Variants in DZANK1 observed in about 807,000 individuals in gnomAD.
The protein encoded by DZANK1 is double zinc ribbon and ankyrin repeat-containing protein 1.
Under a neutral mutation model 94.5 loss-of-function variants are expected in DZANK1, and 91 were observed. The ratio of observed to expected loss-of-function variants is 0.96; its 90% CI spans 0.81 to 1.15. The LOEUF is 1.15. DZANK1 is among the 50% of genes most tolerant of loss of function. DZANK1 has a pLI of 0.00. For missense variants in DZANK1, 903 were observed against 916.4 expected (o/e 0.99, Z 0.19); for synonymous variants, 312 against 325.3 (o/e 0.96, Z 0.44).
rs759490170 is a variant in DZANK1 at position 18,460,234 on chromosome 20, C to A, written c.182G>T (p.Gly61Val). The change falls in exon 3 of 21, where the codon GGG becomes GTG. Residue 61 changes from glycine (G) to valine (V), a missense_variant. Coordinates refer to ENST00000262547, the Ensembl canonical transcript of DZANK1. The stretch of plus-strand genomic sequence containing the variant: ...TATATACTTAAATGTGTTATTTTCC[C>A]CATAACCAATTCTCTTTAGAAATTC... 3.1e-6 allele frequency: 5 copies of A among 1,594,682 alleles called. No individual in the cohort carries two copies. Among genetic ancestry groups the A allele is most frequent in the Middle Eastern group, 1.7e-4 (1 of 5,956 alleles).
At chr20:18,464,424 A>G (rs1390904794) in intron 2 of DZANK1, among the ~76,000 whole-genome samples, 13 of 152,140 alleles carry the variant, frequency 8.5e-5, no homozygotes, top group Admixed American at 8.5e-4. Flanking sequence ...AACCCTGTGC[A>G]CCTCATACAT....
In DZANK1 at chr20:18,461,556, T is replaced by C. The variant is rs192524516; in HGVS notation, c.110-1250A>G. Reference sequence around the variant, plus strand: ...TAAATATATGGGCAAGACAAATATGTAGAACTAGTTACTGCTGAGTCAAAA... The same window carrying C: ...TAAATATATGGGCAAGACAAATATGCAGAACTAGTTACTGCTGAGTCAAAA... On this transcript the variant is annotated intron_variant, in intron 2 of 20. Transcript: ENST00000262547. 2.6e-5 allele frequency among the ~76,000 whole-genome samples: 4 copies of C among 152,164 alleles called. No homozygotes were observed. In the East Asian group the frequency reaches 7.7e-4, roughly 29 times the overall value.
chr20:18,393,393 C>T (rs1167501174), intron 17 of DZANK1, among the ~76,000 whole-genome samples: 1 of 152,188 alleles, frequency 6.6e-6, no homozygotes, highest in African/African-American at 2.4e-5. Flanking sequence ...CACTACCCAA[C>T]TAGTCTTCAT....
intron 12 of DZANK1, 143 bp from the exon 13 acceptor site, chr20:18,412,996 G>C (rs535355550): frequency 7.1e-5 from 54 of 760,292 alleles, no homozygotes; most frequent in Non-Finnish European, 1.1e-4. Context: ...TCCAGCCTTT[G>C]CCTCATCTTC....
intron 13 of DZANK1, among the ~76,000 whole-genome samples, chr20:18,408,276 A>G (rs570379248): frequency 2.3e-4 from 35 of 152,322 alleles, no homozygotes; most frequent in Non-Finnish European, 4.9e-4. Context: ...AGATCACACC[A>G]CTGTATTCCA....
intron 9 of DZANK1, 91 bp downstream of exon 9, chr20:18,433,561 T>C (rs1445301030): frequency 8.2e-7 from 1 of 1,221,992 alleles, no homozygotes. Flanking sequence ...AAAAAATTGT[T>C]ACCCCATCCC....
At chr20:18,445,557 A>G (rs1196545828) in intron 7 of DZANK1, among the ~76,000 whole-genome samples, 1 of 152,194 alleles carries the variant, frequency 6.6e-6, no homozygotes, top group African/African-American at 2.4e-5. Context: ...TACATAGAAC[A>G]TTTACCAATC....
intron 13 of DZANK1, among the ~76,000 whole-genome samples, chr20:18,406,860 G>A (rs1174304660): frequency 6.6e-6 from 1 of 152,172 alleles, no homozygotes; most frequent in Non-Finnish European, 1.5e-5. Context: ...TTCACCACAA[G>A]CTAACAGAAG....
At position 18,389,580 on chromosome 20, in the gene DZANK1, T is replaced by C; in HGVS notation, c.2018+121A>G. ...GCCTCTTATTAAAGCTGAAATAGGT[T>C]AAAATGGTTAAAGTGGCTGAAACTG... On this transcript the variant is annotated intron_variant, in intron 19 of 20. Coordinates refer to ENST00000262547, the Ensembl canonical transcript of DZANK1. 2.9e-6 allele frequency: 4 copies of C among 1,398,402 alleles called. No homozygotes were observed. The South Asian group carries it at 5.8e-5, about 20-fold the overall frequency. 86.6% of individuals were successfully genotyped at this position (1,398,402 alleles called of 1,614,324 possible).
chr20:18,415,578 T>G, intron 10 of DZANK1, 129 bp from the exon 11 acceptor site: 1 of 1,150,338 alleles, frequency 8.7e-7, no homozygotes, highest in Non-Finnish European at 1.1e-6. Flanking sequence ...TGTTTTGTTT[T>G]GTTTTGTTTT....
At chr20:18,384,907 T>A in intron 20 of DZANK1, 109 bp downstream of exon 20, 1 of 1,078,892 alleles carries the variant, frequency 9.3e-7, no homozygotes. Flanking sequence ...GTGGTCCCCA[T>A]GGACAGGGAC....
At chr20:18,462,787 A>C (rs1417042125) in intron 2 of DZANK1, among the ~76,000 whole-genome samples, 1 of 151,822 alleles carries the variant, frequency 6.6e-6, no homozygotes, top group Non-Finnish European at 1.5e-5. Flanking sequence ...AAAATACAAA[A>C]ATTAGCTGGG....
intron 19 of DZANK1, among the ~76,000 whole-genome samples, chr20:18,389,111 A>G (rs1773474596): frequency 6.6e-6 from 1 of 152,242 alleles, no homozygotes; most frequent in African/African-American, 2.4e-5. Flanking sequence ...GAACAACAGA[A>G]GCACACAGCT....
intron 13 of DZANK1, among the ~76,000 whole-genome samples, chr20:18,411,785 G>A (rs2057269015): frequency 6.6e-6 from 1 of 152,144 alleles, no homozygotes; most frequent in Admixed American, 6.5e-5. Context: ...ATAAAGAACA[G>A]GAATTTATTT....
intron 9 of DZANK1, among the ~76,000 whole-genome samples, chr20:18,429,008 C>T (rs1481286802): frequency 6.6e-6 from 1 of 152,214 alleles, no homozygotes; most frequent in African/African-American, 2.4e-5. Context: ...TGGTTCCTGA[C>T]ACTCCCTGGG....
At chr20:18,401,070 G>A (rs919362304) in intron 13 of DZANK1, among the ~76,000 whole-genome samples, 4 of 151,990 alleles carry the variant, frequency 2.6e-5, no homozygotes, top group African/African-American at 9.7e-5. Flanking sequence ...CTGAGTAGCT[G>A]GGATTACAGG....
At chr20:18,461,751 C>G (rs2059481162) in intron 2 of DZANK1, among the ~76,000 whole-genome samples, 2 of 152,056 alleles carry the variant, frequency 1.3e-5, no homozygotes, top group Admixed American at 6.6e-5. Context: ...AAGCACCCAC[C>G]ACCACGCCCA....
At chr20:18,413,703 C>T (rs1171838096) in intron 12 of DZANK1, among the ~76,000 whole-genome samples, 6 of 152,076 alleles carry the variant, frequency 3.9e-5, no homozygotes, top group Non-Finnish European at 8.8e-5. Flanking sequence ...TTGCTTGAAC[C>T]TGGGAGGCAG....
chr20:18,409,501 T>A (rs1217496161), intron 13 of DZANK1, among the ~76,000 whole-genome samples: 1 of 150,298 alleles, frequency 6.7e-6, no homozygotes, highest in Admixed American at 6.7e-5. Flanking sequence ...ATAAGAATAC[T>A]TATGAAGTTC....
Sources: allele counts gnomAD v4.1 joint callset (sites outside exome capture counted in the v4.1 genomes callset), GRCh38; gene constraint gnomAD v4.1.1; transcripts MANE v1.5; gene names NCBI Gene and HGNC (gene_info 2026-07-23, HGNC 2026-07-21).